CAGE1: variants seen among roughly 807,000 people sequenced by gnomAD.
The protein encoded by CAGE1 is cancer antigen 1.
CAGE1 carries 66 observed loss-of-function variants against 94.9 expected under a neutral mutation model. The ratio of observed to expected loss-of-function variants is 0.70; its 90% CI spans 0.57 to 0.85. CAGE1 has a LOEUF of 0.85. CAGE1 is among the 40% of genes least tolerant of loss of function. The pLI is 0.00. For synonymous variants in CAGE1, 319 were observed against 321.0 expected (o/e 0.99, Z 0.07); for missense variants, 865 against 950.4 (o/e 0.91, Z 1.18).
At chr6:7,346,018 C>T (rs1195688810) in intron 11 of CAGE1, among the ~76,000 whole-genome samples, 1 of 152,080 alleles carries the variant, frequency 6.6e-6, no homozygotes. Context: ...AGACTAGCAC[C>T]AATTTAAAAG....
intron 9 of CAGE1, among the ~76,000 whole-genome samples, 172 bp from the exon 10 acceptor site, chr6:7,356,301 C>A (rs978572556): frequency 1.3e-5 from 2 of 152,194 alleles, no homozygotes; most frequent in African/African-American, 4.8e-5. Context: ...GGTTGGACTG[C>A]ACTTAGAACA....
chr6:7,380,010 G>A (rs1261375597), intron 3 of CAGE1, among the ~76,000 whole-genome samples: 1 of 152,172 alleles, frequency 6.6e-6, no homozygotes, highest in Non-Finnish European at 1.5e-5. Flanking sequence ...GATGTACACT[G>A]TTAGGCACCG....
intron 11 of CAGE1, among the ~76,000 whole-genome samples, chr6:7,352,799 A>G (rs933623438): frequency 6.6e-6 from 1 of 152,214 alleles, no homozygotes. Flanking sequence ...TGGGGAAAGG[A>G]CACCCTTTTC....
Position 7,349,961 on chromosome 6 carries a change from AAAGAAG to A in CAGE1, c.2369+5074_2369+5079del, listed in dbSNP as rs1305777434. Among the ~76,000 whole-genome samples the A allele has an allele frequency of 8.4e-3, 1,258 of 149,978 alleles. 22 individuals carry two copies. The highest frequency in any genetic ancestry group is 0.028 in the African/African-American group (1,155 of 40,556). The stretch of plus-strand genomic sequence containing the variant: ...AAAAAAAAAAAAGAAAGAAAGAAAG[AAAGAAG>A]AAAAAAAAAGAACTCATCAACCAAC... On this transcript the variant is annotated intron_variant, in intron 11 of 13. Coordinates refer to ENST00000502583, the MANE Select transcript of CAGE1 (RefSeq NM_001170692.2).
At chr6:7,379,559 T>C (rs1259331001) in intron 3 of CAGE1, among the ~76,000 whole-genome samples, 1 of 152,244 alleles carries the variant, frequency 6.6e-6, no homozygotes, top group African/African-American at 2.4e-5. Flanking sequence ...TATGCTATAC[T>C]ATTTTTCAAT....
chr6:7,358,049 T>TATAG (rs1435981365), intron 9 of CAGE1, among the ~76,000 whole-genome samples: 2 of 120,240 alleles, frequency 1.7e-5, no homozygotes, highest in African/African-American at 6.6e-5. Flanking sequence ...TATATATATA[T>TATAG]ATATATATAT....
chr6:7,371,315 T>C (rs777039607), intron 5 of CAGE1, among the ~76,000 whole-genome samples: 12 of 152,198 alleles, frequency 7.9e-5, no homozygotes, highest in Non-Finnish European at 1.2e-4. Context: ...TAATCCTTTT[T>C]TCTTAGATCT....
chr6:7,339,354 A>G lies in CAGE1; in HGVS notation c.2370-5264T>C. On this transcript the variant is annotated intron_variant, in intron 11 of 13. Coordinates refer to ENST00000502583, the MANE Select transcript of CAGE1 (RefSeq NM_001170692.2). The surrounding 1 kb of genome is among the most constrained non-coding windows in gnomAD (Gnocchi z 4.7). Reference sequence around the variant, plus strand: ...TGGAGAGCCAAACCTCTTCTGAACTACAGCAGTCAGTTCCCGAATCCGCCG... The same window carrying G: ...TGGAGAGCCAAACCTCTTCTGAACTGCAGCAGTCAGTTCCCGAATCCGCCG... 2 of 1,608,884 alleles carry G rather than the reference A, an allele frequency of 1.2e-6. No individual in the cohort carries two copies. Among genetic ancestry groups the G allele is most frequent in the Non-Finnish European group, 1.7e-6 (2 of 1,175,812 alleles).
At chr6:7,336,957 T>C (rs944019942) in intron 11 of CAGE1, among the ~76,000 whole-genome samples, 25 of 152,236 alleles carry the variant, frequency 1.6e-4, no homozygotes, top group Non-Finnish European at 4.4e-5. Flanking sequence ...AAGTTCTTTA[T>C]TGGATACACG....
At chr6:7,352,339 G>C (rs187414953) in intron 11 of CAGE1, among the ~76,000 whole-genome samples, 28 of 84,318 alleles carry the variant, frequency 3.3e-4, no homozygotes, top group Admixed American at 3.2e-3. Context: ...CCTAACCAAA[G>C]AGTCGAAAGA....
At chr6:7,329,812 T>A (rs1758681737) in intron 13 of CAGE1, 37 bp downstream of exon 13, 1 of 1,058,556 alleles carries the variant, frequency 9.4e-7, no homozygotes, top group Admixed American at 2.1e-5. Flanking sequence ...TACATGGAAA[T>A]GTAAGATTCT....
At chr6:7,348,157 G>T (rs551299797) in intron 11 of CAGE1, among the ~76,000 whole-genome samples, 1 of 152,028 alleles carries the variant, frequency 6.6e-6, no homozygotes. Flanking sequence ...AGTTAAGAAC[G>T]CTCACAGAGT....
At chr6:7,359,904 T>C (rs1760111839) in intron 9 of CAGE1, among the ~76,000 whole-genome samples, 1 of 152,198 alleles carries the variant, frequency 6.6e-6, no homozygotes, top group African/African-American at 2.4e-5. Context: ...ACAAAGTGAT[T>C]ATCTTATAGT....
rs201331066 is a variant in CAGE1, at chr6:7,364,784, G to GA, written c.2193+683dup. Reference sequence around the variant, plus strand: ...CGCCTGGTCAATAATTACTTCTTATGAAAAAAAAATTACAAAAGAGGAAAG... The same window carrying GA: ...CGCCTGGTCAATAATTACTTCTTATGAAAAAAAAAATTACAAAAGAGGAAAG... On this transcript the variant is annotated intron_variant, in intron 9 of 13. Coordinates refer to ENST00000502583, the MANE Select transcript of CAGE1 (RefSeq NM_001170692.2). Among the ~76,000 whole-genome samples the GA allele has an allele frequency of 4.6e-3, 695 of 150,850 alleles. 8 individuals are homozygous for GA. Among genetic ancestry groups the GA allele is most frequent in the African/African-American group, 0.016 (648 of 41,164 alleles).
At chr6:7,347,510 G>T (rs1260433468) in intron 11 of CAGE1, 1 of 131,860 alleles carries the variant, frequency 7.6e-6, no homozygotes, top group African/African-American at 2.9e-5. Flanking sequence ...GGGTGGGGGG[G>T]GGGGTTGGGG....
intron 11 of CAGE1, among the ~76,000 whole-genome samples, chr6:7,347,659 G>T (rs1158957639): frequency 6.6e-6 from 1 of 152,162 alleles, no homozygotes; most frequent in Non-Finnish European, 1.5e-5. Context: ...TTTCACAGCT[G>T]GGAGGCAGGT....
chr6:7,369,891 A>T, intron 6 of CAGE1, 28 bp downstream of exon 6: 1 of 1,575,810 alleles, frequency 6.3e-7, no homozygotes, highest in East Asian at 2.3e-5. Context: ...CTCCCCTACT[A>T]AAATATCTAA....
intron 11 of CAGE1, among the ~76,000 whole-genome samples, chr6:7,348,693 T>G (rs1439633359): frequency 6.6e-6 from 1 of 151,936 alleles, no homozygotes; most frequent in Non-Finnish European, 1.5e-5. Flanking sequence ...GGGAGAAATA[T>G]TCAAGGAAAT....
intron 3 of CAGE1, among the ~76,000 whole-genome samples, chr6:7,384,551 G>A (rs1053732721): frequency 6.6e-6 from 1 of 152,170 alleles, no homozygotes; most frequent in African/African-American, 2.4e-5. Flanking sequence ...AGACTCACTT[G>A]AGCCCAGGAA....
Sources: allele counts gnomAD v4.1 joint callset (sites outside exome capture counted in the v4.1 genomes callset), GRCh38; gene constraint gnomAD v4.1.1; non-coding constraint Gnocchi (gnomAD v3.1); transcripts MANE v1.5; gene names NCBI Gene and HGNC (gene_info 2026-07-23, HGNC 2026-07-21).